MLANA: variants seen among roughly 807,000 people sequenced by gnomAD.
MLANA encodes melan-A, also known as melanoma antigen recognized by T-cells 1.
A neutral mutation model predicts 15.7 loss-of-function variants in MLANA; 21 were observed. That is an observed-to-expected ratio of 1.33 (90% CI 0.95 to 1.92). MLANA has a LOEUF of 1.92. MLANA is among the 40% of genes most tolerant of loss of function. The probability of loss-of-function intolerance (pLI) is 0.00; values close to 1 mark genes in which losing one functional copy is unlikely to be tolerated. For synonymous variants in MLANA, 56 were observed against 51.5 expected (o/e 1.09, Z -0.37); for missense variants, 164 against 143.8 (o/e 1.14, Z -0.72).
At chr9:5,901,287 C>G (rs1438434811) in intron 3 of MLANA, among the ~76,000 whole-genome samples, 1 of 152,148 alleles carries the variant, frequency 6.6e-6, no homozygotes, top group Non-Finnish European at 1.5e-5. Context: ...ACAGGACATC[C>G]TTGCCTTGTT....
chr9:5,898,884 A>C (rs1832222617), intron 3 of MLANA: 1 of 152,224 alleles, frequency 6.6e-6, no homozygotes, highest in South Asian at 2.1e-4. Flanking sequence ...GTGTTTTTTA[A>C]CAGGCTGCAT....
intron 4 of MLANA, 76 bp from the exon 5 acceptor site, chr9:5,908,564 C>G: frequency 8.1e-7 from 1 of 1,232,194 alleles, no homozygotes; most frequent in Non-Finnish European, 1.2e-6. Flanking sequence ...AATATGTTAA[C>G]TATTTTAACT....
intron 2 of MLANA, 85 bp from the exon 3 acceptor site, chr9:5,897,472 A>T: frequency 7.8e-7 from 1 of 1,280,816 alleles, no homozygotes. Context: ...CAAAGTCCAT[A>T]TGAAGAGGAA....
intron 3 of MLANA, among the ~76,000 whole-genome samples, chr9:5,901,757 A>T (rs2129954452): frequency 6.6e-6 from 1 of 151,998 alleles, no homozygotes; most frequent in South Asian, 2.1e-4. Flanking sequence ...CCTGAGCACA[A>T]GCAATCCACC....
intron 3 of MLANA, among the ~76,000 whole-genome samples, chr9:5,901,578 G>C (rs572261614): frequency 2.8e-4 from 42 of 152,108 alleles, no homozygotes; most frequent in African/African-American, 1.0e-3. Context: ...GAGTGCAGTG[G>C]CTCAATCTCA....
chr9:5,899,861 T>C (rs1832300508), intron 3 of MLANA, among the ~76,000 whole-genome samples: 1 of 152,200 alleles, frequency 6.6e-6, no homozygotes, highest in Admixed American at 6.5e-5. Context: ...CTTGGTCCCA[T>C]TGTCTGCCAT....
At chr9:5,897,747 C>T (rs969317786) in intron 3 of MLANA, 94 bp downstream of exon 3, 1 of 1,081,302 alleles carries the variant, frequency 9.2e-7, no homozygotes, top group South Asian at 1.3e-5. Flanking sequence ...ATAATTGCCT[C>T]ATTATAACCT....
At chr9:5,891,852 G>C (rs1831675082) in intron 1 of MLANA, among the ~76,000 whole-genome samples, 1 of 152,334 alleles carries the variant, frequency 6.6e-6, no homozygotes, top group Admixed American at 6.5e-5. Context: ...CCTGGGGACA[G>C]GCTGAAGCCC....
intron 3 of MLANA, among the ~76,000 whole-genome samples, chr9:5,905,321 G>A (rs372324105): frequency 2.0e-5 from 3 of 152,152 alleles, no homozygotes; most frequent in Non-Finnish European, 4.4e-5. Context: ...TGGCCATGAC[G>A]GGAAGGGAGG....
In MLANA at chr9:5,893,256, G is replaced by T. The variant is rs145970045; in HGVS notation, c.77+705G>T. On this transcript the variant is annotated intron_variant, in intron 2 of 4. Coordinates refer to ENST00000381477, the MANE Select transcript of MLANA (RefSeq NM_005511.2). ...GGCTGCAGGGACATACTCTGTATGT[G>T]CTGGGAGTGGGAAAGGGACATACTC... is the stretch of plus-strand genomic sequence containing the variant. 3.3e-5 allele frequency among the ~76,000 whole-genome samples: 5 copies of T among 152,294 alleles called. No homozygotes were observed. The East Asian group carries it at 9.6e-4, about 29-fold the overall frequency.
chr9:5,904,496 T>C (rs952101369), intron 3 of MLANA, among the ~76,000 whole-genome samples: 2 of 152,032 alleles, frequency 1.3e-5, no homozygotes, highest in Non-Finnish European at 2.9e-5. Flanking sequence ...TGAGACAGAA[T>C]CTCACTCACT....
intron 3 of MLANA, chr9:5,899,124 G>C (rs1250081203): frequency 6.6e-6 from 1 of 152,154 alleles, no homozygotes; most frequent in Admixed American, 6.5e-5. Context: ...AGATCTCGCT[G>C]TCTCTCTTTC....
intron 4 of MLANA, among the ~76,000 whole-genome samples, chr9:5,908,264 G>A (rs920162724): frequency 6.6e-6 from 1 of 152,134 alleles, no homozygotes; most frequent in Admixed American, 6.5e-5. Context: ...ATATTTGGTA[G>A]TATCAATGTG....
chr9:5,891,473 G>C (rs916995421), intron 1 of MLANA, among the ~76,000 whole-genome samples: 1 of 152,106 alleles, frequency 6.6e-6, no homozygotes, highest in Non-Finnish European at 1.5e-5. Flanking sequence ...AGTGGAAAGG[G>C]GTCATGTGTC....
chr9:5,902,699 G>T (rs377685428), intron 3 of MLANA, among the ~76,000 whole-genome samples: 5 of 151,456 alleles, frequency 3.3e-5, no homozygotes, highest in East Asian at 3.9e-4. Flanking sequence ...TAGAGACAGA[G>T]TCTCACTATG....
intron 3 of MLANA, among the ~76,000 whole-genome samples, chr9:5,903,863 CTT>C (rs770865430): frequency 6.8e-6 from 1 of 147,024 alleles, no homozygotes; most frequent in Non-Finnish European, 1.5e-5. Context: ...TATGCACTTA[CTT>C]TTTTTTTTTT....
At chr9:5,901,676 G>A (rs1264127564) in intron 3 of MLANA, among the ~76,000 whole-genome samples, 6 of 151,960 alleles carry the variant, frequency 3.9e-5, no homozygotes, top group East Asian at 3.9e-4. Flanking sequence ...AAGCCACCAC[G>A]CCTGGCTAAA....
intron 3 of MLANA, among the ~76,000 whole-genome samples, chr9:5,897,893 G>C (rs1181831456): frequency 6.6e-6 from 1 of 152,190 alleles, no homozygotes; most frequent in East Asian, 1.9e-4. Context: ...CATAATACGA[G>C]AGACTGTAAT....
chr9:5,894,051 A>G lies in MLANA; in HGVS notation c.77+1500A>G, dbSNP rs1251750114. ...CCAGGTCTGTTTGCCTCCAGAGTCC[A>G]TGCTCTTAAGTGTTATGCTGCAGGC... On this transcript the variant is annotated intron_variant, in intron 2 of 4. Transcript: ENST00000381477. The surrounding 1 kb of genome is among the most constrained non-coding windows in gnomAD (Gnocchi z 4.0). Among the ~76,000 whole-genome samples the G allele has an allele frequency of 1.3e-5, 2 of 152,116 alleles. No homozygotes were observed. The highest frequency in any genetic ancestry group is 2.9e-5 in the Non-Finnish European group (2 of 68,022).
Sources: allele counts gnomAD v4.1 joint callset (sites outside exome capture counted in the v4.1 genomes callset), GRCh38; gene constraint gnomAD v4.1.1; non-coding constraint Gnocchi (gnomAD v3.1); transcripts MANE v1.5; gene names NCBI Gene and HGNC (gene_info 2026-07-23, HGNC 2026-07-21).